Variants in AFAP1 observed in about 807,000 individuals in gnomAD.
AFAP1 encodes actin filament-associated protein 1.
Under a neutral mutation model 93.9 loss-of-function variants are expected in AFAP1, and 75 were observed. That is an observed-to-expected ratio of 0.80 (90% confidence interval 0.66 to 0.97). The LOEUF (loss-of-function observed/expected upper bound fraction) is 0.97. AFAP1 is among the 50% of genes least tolerant of loss of function. AFAP1 has a pLI of 0.00. For synonymous variants in AFAP1, 517 were observed against 430.7 expected (o/e 1.20, Z -2.48); for missense variants, 1,201 against 1,050.8 (o/e 1.14, Z -1.98).
At chr4:7,881,519 C>T (rs34189407) in intron 1 of AFAP1, among the ~76,000 whole-genome samples, 1 of 152,108 alleles carries the variant, frequency 6.6e-6, no homozygotes, top group Admixed American at 6.6e-5. Context: ...GCGGTGGCTC[C>T]CACCTGTAAT....
At chr4:7,918,206 A>T in intron 1 of AFAP1, among the ~76,000 whole-genome samples, 1 of 89,572 alleles carries the variant, frequency 1.1e-5, no homozygotes, top group Non-Finnish European at 1.9e-5. Context: ...GTCACCAGGA[A>T]ACAGGGCTGC....
chr4:7,809,861 A>AT (rs1361967536), intron 8 of AFAP1, 98 bp from the exon 9 acceptor site: 6 of 1,427,132 alleles, frequency 4.2e-6, no homozygotes, highest in African/African-American at 2.9e-5. Context: ...TTCCCTTGGC[A>AT]TTTTTTTCTT....
rs16841413 is a variant in AFAP1, at chr4:7,917,783, C to G, written c.-3+21873G>C. ...ACCACCCTTCCAAACTCCTCTGGTT[C>G]TGTGTACCTGCCCGGGGCTATTAGC... On this transcript the variant is annotated intron_variant, in intron 1 of 17. Coordinates refer to ENST00000420658, the MANE Select transcript of AFAP1 (RefSeq NM_001134647.2). 8.4e-3 allele frequency among the ~76,000 whole-genome samples: 1,285 copies of G among 152,292 alleles called. 25 individuals are homozygous for G. Among genetic ancestry groups the G allele is most frequent in the African/African-American group, 0.029 (1,221 of 41,560 alleles).
chr4:7,903,038 C>CA (rs1463716515), intron 1 of AFAP1, among the ~76,000 whole-genome samples: 1 of 151,960 alleles, frequency 6.6e-6, no homozygotes, highest in South Asian at 2.1e-4. Context: ...TCCCTCCAGG[C>CA]AAGTATCTGA....
rs1485697814 is a variant in AFAP1, at chr4:7,842,721, C to G, written c.546+418G>C. 3 of 160,218 alleles carry G rather than the reference C, an allele frequency of 1.9e-5. No homozygotes were observed. In the East Asian group the frequency reaches 5.4e-4, roughly 29 times the overall value. The allele number at this position is 160,218 out of a possible 1,614,324, so 9.9% of individuals were successfully genotyped here. A position where few individuals can be genotyped will look rare whatever the true frequency, so the allele number is the denominator to read the frequency against. The stretch of plus-strand genomic sequence containing the variant: ...AAAAAAAATGGGAATTGGCCCCAAG[C>G]TTTCCAGAAGAATTTCCTTTCCTGG... On this transcript the variant is annotated intron_variant, in intron 5 of 17. Transcript: ENST00000420658.
intron 2 of AFAP1, among the ~76,000 whole-genome samples, chr4:7,870,907 T>C (rs544550283): frequency 2.6e-5 from 4 of 152,304 alleles, no homozygotes; most frequent in Admixed American, 2.6e-4. Flanking sequence ...CTGTACACTT[T>C]AAATGGTGAA....
At chr4:7,819,558 G>C (rs560909012) in intron 6 of AFAP1, among the ~76,000 whole-genome samples, 3 of 152,118 alleles carry the variant, frequency 2.0e-5, no homozygotes, top group Admixed American at 2.0e-4. Flanking sequence ...AGACCAGGGG[G>C]CCTTATGCAA....
At chr4:7,783,822 G>A (rs1380404272) in intron 12 of AFAP1, among the ~76,000 whole-genome samples, 3 of 152,326 alleles carry the variant, frequency 2.0e-5, no homozygotes, top group Admixed American at 6.5e-5. Context: ...TGTGTAAGGC[G>A]TGCATGTGGA....
intron 1 of AFAP1, among the ~76,000 whole-genome samples, chr4:7,900,975 G>A (rs1159360087): frequency 6.6e-6 from 1 of 152,110 alleles, no homozygotes; most frequent in Admixed American, 6.5e-5. Context: ...AACAGCTTTG[G>A]GCTAGGGAAT....
At chr4:7,810,525 T>G (rs1719917758) in intron 8 of AFAP1, among the ~76,000 whole-genome samples, 1 of 152,138 alleles carries the variant, frequency 6.6e-6, no homozygotes, top group Admixed American at 6.5e-5. Context: ...GAATTGACTC[T>G]TCCTCAGGAG....
At chr4:7,817,189 G>A (rs763212418) in intron 7 of AFAP1, among the ~76,000 whole-genome samples, 2 of 152,238 alleles carry the variant, frequency 1.3e-5, no homozygotes, top group Non-Finnish European at 2.9e-5. Flanking sequence ...AAAAGAAAAA[G>A]AGGTCTATCC....
rs78473490 is a variant in AFAP1 at position 7,885,142 on chromosome 4, T to C, written c.-2-13062A>G. On this transcript the variant is annotated intron_variant, in intron 1 of 17. Transcript: ENST00000420658. Reference sequence around the variant, plus strand: ...CTGCTTTTCAGAAAAATCACCCTGGTTTGCTACACTCTTCTCAGTGACTTC... The same window carrying C: ...CTGCTTTTCAGAAAAATCACCCTGGCTTGCTACACTCTTCTCAGTGACTTC... Among the ~76,000 whole-genome samples, 1,316 of 152,314 alleles carry C rather than the reference T, an allele frequency of 8.6e-3. 20 individuals carry two copies. Among genetic ancestry groups the C allele is most frequent in the Middle Eastern group, 0.014 (4 of 294 alleles).
intron 1 of AFAP1, among the ~76,000 whole-genome samples, chr4:7,882,198 T>C (rs1717889961): frequency 6.7e-6 from 1 of 149,718 alleles, no homozygotes; most frequent in Admixed American, 6.6e-5. Flanking sequence ...CGCTTGAAAC[T>C]AGGTTAAATA....
intron 5 of AFAP1, 114 bp from the exon 6 acceptor site, chr4:7,838,817 T>A: frequency 1.8e-6 from 2 of 1,116,338 alleles, no homozygotes; most frequent in African/African-American, 3.1e-5. Context: ...AAAGTCTGAA[T>A]CTGCAGATGA....
rs58349148 is a variant in AFAP1 at position 7,939,619 on chromosome 4, G to C, written c.-3+37C>G. ...CACGCCCGGGGCAGAGACCCCCGCC[G>C]GGTCCGGAGACCCTGCCGCCAGTCG... is the stretch of plus-strand genomic sequence containing the variant. On this transcript the variant is annotated intron_variant, in intron 1 of 17. Coordinates refer to ENST00000420658, the MANE Select transcript of AFAP1 (RefSeq NM_001134647.2). The surrounding 1 kb of genome is among the most constrained non-coding windows in gnomAD (Gnocchi z 5.6). 138,922 of 411,836 alleles carry C rather than the reference G, an allele frequency of 0.34. 25,283 individuals carry two copies. Among genetic ancestry groups the C allele is most frequent in the African/African-American group, 0.56 (25,416 of 45,648 alleles). 25.5% of individuals were successfully genotyped at this position (411,836 alleles called of 1,614,324 possible).
At position 7,768,873 on chromosome 4, in the gene AFAP1, A is replaced by AG; in HGVS notation, c.2388dup (p.Cys797LeufsTer79). ...GCCTTCCGCAGCACATGCCCTCGGC[A>AG]GGGGGAGCTGCCCGGGGCAGCCTGG... On this transcript the variant is annotated frameshift_variant, in exon 17 of 18. Transcript: ENST00000420658. LOFTEE classifies it high-confidence loss of function. 6.2e-7 allele frequency: 1 copy of AG among 1,607,320 alleles called. No individual in the cohort carries two copies. The highest frequency in any genetic ancestry group is 8.5e-7 in the Non-Finnish European group (1 of 1,175,054).
chr4:7,786,808 T>C (rs889284096), intron 11 of AFAP1, among the ~76,000 whole-genome samples: 1 of 152,252 alleles, frequency 6.6e-6, no homozygotes, highest in Non-Finnish European at 1.5e-5. Flanking sequence ...AAGGACAACA[T>C]GGCCTGCAAA....
intron 1 of AFAP1, among the ~76,000 whole-genome samples, chr4:7,938,318 G>C (rs985468015): frequency 6.6e-6 from 1 of 152,214 alleles, no homozygotes; most frequent in Non-Finnish European, 1.5e-5. Flanking sequence ...AAGAACTTCA[G>C]GTTGGGTATT....
chr4:7,790,909 C>T (rs1041742676), intron 11 of AFAP1, among the ~76,000 whole-genome samples: 1 of 152,126 alleles, frequency 6.6e-6, no homozygotes, highest in African/African-American at 2.4e-5. Context: ...AGACTAGTTC[C>T]ACTTGTCAAG....
Sources: gnomAD v4.1 joint callset for allele counts (sites outside exome capture counted in the v4.1 genomes callset) on GRCh38, gnomAD v4.1.1 for gene constraint, Gnocchi (gnomAD v3.1) non-coding constraint, MANE v1.5 for transcripts, NCBI Gene and HGNC (gene_info 2026-07-23, HGNC 2026-07-21) for gene names.